LDHC: variants seen among roughly 807,000 people sequenced by gnomAD.
LDHC encodes the protein lactate dehydrogenase C, also known as L-lactate dehydrogenase C chain.
LDHC carries 20 observed loss-of-function variants against 30.2 expected under a neutral mutation model. That is an observed-to-expected ratio of 0.66 (90% CI 0.47 to 0.96). LDHC has a LOEUF of 0.96. LDHC is among the 40% of genes least tolerant of loss of function. The pLI is 0.00. For missense variants in LDHC, 362 were observed against 394.9 expected (o/e 0.92, Z 0.71); for synonymous variants, 139 against 132.7 (o/e 1.05, Z -0.32).
chr11:18,444,648 A>ATATATATATATG (rs1848524341), intron 6 of LDHC, among the ~76,000 whole-genome samples: 1 of 123,682 alleles, frequency 8.1e-6, no homozygotes, highest in South Asian at 2.5e-4. Context: ...ATATATATAT[A>ATATATATATATG]TGCCTTATCT....
intron 3 of LDHC, among the ~76,000 whole-genome samples, chr11:18,420,772 C>T (rs1472881580): frequency 6.7e-6 from 1 of 150,026 alleles, no homozygotes; most frequent in African/African-American, 2.4e-5. Flanking sequence ...AAAGTGATCT[C>T]ACATACAAGA....
chr11:18,449,066 G>A (rs1848605106), intron 7 of LDHC, among the ~76,000 whole-genome samples: 1 of 148,810 alleles, frequency 6.7e-6, no homozygotes, highest in Non-Finnish European at 1.5e-5. Flanking sequence ...AGAGATGACA[G>A]GAGGTAAAGG....
At chr11:18,444,281 T>G (rs1384400636) in intron 6 of LDHC, among the ~76,000 whole-genome samples, 1 of 152,142 alleles carries the variant, frequency 6.6e-6, no homozygotes, top group African/African-American at 2.4e-5. Context: ...CTTCTGTTTC[T>G]CAATCTATTT....
At chr11:18,418,799 A>C (rs1379265148) in intron 3 of LDHC, among the ~76,000 whole-genome samples, 1 of 152,200 alleles carries the variant, frequency 6.6e-6, no homozygotes, top group Non-Finnish European at 1.5e-5. Context: ...ACCTGGATTA[A>C]TCTTTTGCTG....
At chr11:18,412,665 T>C (rs1211967607) in intron 1 of LDHC, 44 bp from the exon 2 acceptor site, 9 of 1,559,204 alleles carry the variant, frequency 5.8e-6, no homozygotes, top group Non-Finnish European at 7.9e-6. Context: ...GTTTCTTAGA[T>C]GTTCAGTGTG....
chr11:18,449,067 G>T (rs1386644072), intron 7 of LDHC, among the ~76,000 whole-genome samples: 1 of 148,790 alleles, frequency 6.7e-6, no homozygotes, highest in East Asian at 1.9e-4. Context: ...GAGATGACAG[G>T]AGGTAAAGGG....
At chr11:18,445,502 T>G (rs1288440860) in intron 6 of LDHC, among the ~76,000 whole-genome samples, 1 of 152,148 alleles carries the variant, frequency 6.6e-6, no homozygotes, top group Admixed American at 6.5e-5. Context: ...TGGCCACTAG[T>G]AACAATTTTA....
At chr11:18,447,511 GA>G (rs1030323912) in intron 7 of LDHC, among the ~76,000 whole-genome samples, 1 of 151,990 alleles carries the variant, frequency 6.6e-6, no homozygotes, top group Non-Finnish European at 1.5e-5. Context: ...TTTCATAAGT[GA>G]AAAAAGTCTA....
At chr11:18,444,566 G>C (rs903349963) in intron 6 of LDHC, among the ~76,000 whole-genome samples, 9 of 140,572 alleles carry the variant, frequency 6.4e-5, no homozygotes, top group Admixed American at 2.3e-4. Context: ...GGACACTACT[G>C]TAGGAACAGT....
At chr11:18,449,097 C>G (rs1177404327) in intron 7 of LDHC, among the ~76,000 whole-genome samples, 1 of 151,952 alleles carries the variant, frequency 6.6e-6, no homozygotes, top group Non-Finnish European at 1.5e-5. Flanking sequence ...CTGGAAATAA[C>G]CAGTAGGGAA....
chr11:18,449,781 G>A (rs12282669), intron 7 of LDHC, among the ~76,000 whole-genome samples: 4,877 of 152,306 alleles, frequency 0.032, 289 homozygotes, highest in African/African-American at 0.11. Context: ...GTGCTCCTGA[G>A]TAGAGCCCCA....
intron 7 of LDHC, among the ~76,000 whole-genome samples, chr11:18,447,243 C>T (rs969811478): frequency 1.3e-5 from 2 of 151,750 alleles, no homozygotes; most frequent in African/African-American, 4.8e-5. Context: ...ACACTATTCT[C>T]CTGCCTCAGC....
intron 4 of LDHC, among the ~76,000 whole-genome samples, chr11:18,433,524 T>C (rs953917873): frequency 3.3e-5 from 5 of 152,250 alleles, no homozygotes; most frequent in Non-Finnish European, 7.3e-5. Context: ...TTTGTTTGTC[T>C]GAAAATGACT....
chr11:18,449,310 T>G (rs1421652064), intron 7 of LDHC, among the ~76,000 whole-genome samples: 1 of 151,282 alleles, frequency 6.6e-6, no homozygotes, highest in African/African-American at 2.4e-5. Context: ...CATGGTGGTG[T>G]GTGCTACTTG....
chr11:18,444,459 G>T (rs1848516309), intron 6 of LDHC, among the ~76,000 whole-genome samples: 1 of 151,476 alleles, frequency 6.6e-6, no homozygotes, highest in East Asian at 1.9e-4. Context: ...CGGAGTCTTG[G>T]CCGTACAGAA....
At chr11:18,440,740 G>T (rs1565056272) in intron 6 of LDHC, among the ~76,000 whole-genome samples, 1 of 152,058 alleles carries the variant, frequency 6.6e-6, no homozygotes, top group East Asian at 1.9e-4. Context: ...ATCAGCTGGG[G>T]CAACAGAGTG....
Position 18,426,721 on chromosome 11 carries a change from T to C in LDHC, c.245-3016T>C, listed in dbSNP as rs552569444. 1.0e-3 allele frequency among the ~76,000 whole-genome samples: 154 copies of C among 152,260 alleles called. 2 individuals carry two copies. The highest frequency in any genetic ancestry group is 3.0e-3 in the Admixed American group (46 of 15,272). On this transcript the variant is annotated intron_variant, in intron 3 of 7. Transcript: ENST00000541669. ...GGCAGTAAGTGCTATAAAAAAATTC[T>C]GTGAAGAAAGTGGTATTTATGAATG...
chr11:18,449,820 T>G (rs1423420962), intron 7 of LDHC, among the ~76,000 whole-genome samples: 1 of 152,166 alleles, frequency 6.6e-6, no homozygotes, highest in East Asian at 1.9e-4. Context: ...AATGGCTGAA[T>G]AGTGCCCATG....
At chr11:18,416,592 C>A (rs1356682901) in intron 3 of LDHC, among the ~76,000 whole-genome samples, 1 of 152,110 alleles carries the variant, frequency 6.6e-6, no homozygotes, top group Non-Finnish European at 1.5e-5. Flanking sequence ...GATAAAAGTT[C>A]ATTTGCTGAT....
Sources: allele counts gnomAD v4.1 joint callset (sites outside exome capture counted in the v4.1 genomes callset), GRCh38; gene constraint gnomAD v4.1.1; transcripts MANE v1.5; gene names NCBI Gene and HGNC (gene_info 2026-07-23, HGNC 2026-07-21).